Variants in PTPRD observed in about 807,000 individuals in gnomAD.
PTPRD encodes the protein protein tyrosine phosphatase receptor type D, also known as receptor-type tyrosine-protein phosphatase delta.
Under a neutral mutation model 214.5 loss-of-function variants are expected in PTPRD, and 34 were observed. The observed-to-expected ratio is 0.16, with a 90% CI of 0.12 to 0.21. PTPRD has a LOEUF of 0.21. PTPRD is among the 10% of genes least tolerant of loss of function. The probability of loss-of-function intolerance (pLI) is 1.00; values close to 1 mark genes in which losing one functional copy is unlikely to be tolerated. For synonymous variants in PTPRD, 1,128 were observed against 845.7 expected (o/e 1.33, Z -5.79); for missense variants, 2,545 against 2,398.7 (o/e 1.06, Z -1.27).
intron 9 of PTPRD, among the ~76,000 whole-genome samples, chr9:9,203,841 C>G (rs2099943284): frequency 6.6e-6 from 1 of 152,052 alleles, no homozygotes; most frequent in South Asian, 2.1e-4. Flanking sequence ...TAGAAAATGG[C>G]TATTTTAGAG....
intron 9 of PTPRD, among the ~76,000 whole-genome samples, chr9:9,228,411 G>C (rs565088829): frequency 1.4e-4 from 21 of 151,988 alleles, no homozygotes; most frequent in Non-Finnish European, 2.2e-4. Flanking sequence ...ATATGTGCAT[G>C]TGTATTTGCA....
intron 10 of PTPRD, among the ~76,000 whole-genome samples, chr9:9,063,758 T>G (rs1326047301): frequency 6.6e-6 from 1 of 152,172 alleles, no homozygotes; most frequent in Non-Finnish European, 1.5e-5. Context: ...TGCGGAAGAC[T>G]GTTTTCCTCA....
chr9:9,293,759 T>G (rs1176138989), intron 9 of PTPRD, among the ~76,000 whole-genome samples: 1 of 151,652 alleles, frequency 6.6e-6, no homozygotes, highest in Non-Finnish European at 1.5e-5. Context: ...ACTCACAAAT[T>G]TAATGCCTTT....
At chr9:9,940,539 C>T (rs1392268431) in intron 4 of PTPRD, among the ~76,000 whole-genome samples, 1 of 152,116 alleles carries the variant, frequency 6.6e-6, no homozygotes, top group African/African-American at 2.4e-5. Context: ...AGACCGATAA[C>T]TTTTATAAAT....
intron 3 of PTPRD, among the ~76,000 whole-genome samples, chr9:10,074,797 A>G (rs956948073): frequency 1.3e-5 from 2 of 152,114 alleles, no homozygotes; most frequent in Non-Finnish European, 2.9e-5. Flanking sequence ...TGAAGCACAC[A>G]CAGTATATAT....
intron 3 of PTPRD, among the ~76,000 whole-genome samples, chr9:10,330,210 T>C (rs1199628701): frequency 6.6e-6 from 1 of 151,836 alleles, no homozygotes; most frequent in Non-Finnish European, 1.5e-5. Flanking sequence ...CTCTGTGTGG[T>C]TGTACTTTGT....
chr9:9,899,257 G>T (rs962810122), intron 5 of PTPRD, among the ~76,000 whole-genome samples: 8 of 152,008 alleles, frequency 5.3e-5, no homozygotes, highest in African/African-American at 1.7e-4. Context: ...TGGAGAGTGT[G>T]AAGAGAGACT....
At chr9:9,748,594 A>C (rs1481520286) in intron 6 of PTPRD, among the ~76,000 whole-genome samples, 2 of 152,222 alleles carry the variant, frequency 1.3e-5, no homozygotes, top group East Asian at 1.9e-4. Flanking sequence ...AGTACTGCTG[A>C]GGTACTGAAG....
chr9:9,915,113 T>C lies in PTPRD; in HGVS notation c.-368+23394A>G, dbSNP rs557982119. 2.6e-5 allele frequency among the ~76,000 whole-genome samples: 4 copies of C among 152,220 alleles called. No individual in the cohort carries two copies. The South Asian group carries it at 8.3e-4, about 32-fold the overall frequency. ...CATAGGCTACTGAGCAACTTGCAAA[T>C]GCCTTTAGCATGGGTTAGAGCTGTA... On this transcript the variant is annotated intron_variant, in intron 5 of 45. Transcript: ENST00000381196.
chr9:8,936,179 G>C (rs1214785355), intron 11 of PTPRD: 2 of 152,282 alleles, frequency 1.3e-5, no homozygotes, highest in East Asian at 1.9e-4. Flanking sequence ...GGGTGACTGA[G>C]GTAAGTGGAT....
At chr9:10,362,910 T>A (rs2097424487) in intron 2 of PTPRD, among the ~76,000 whole-genome samples, 2 of 151,900 alleles carry the variant, frequency 1.3e-5, no homozygotes, top group Admixed American at 1.3e-4. Context: ...TAAATAACTT[T>A]GCCTAGTCTC....
At chr9:8,397,068 A>C (rs2091362254) in intron 36 of PTPRD, among the ~76,000 whole-genome samples, 1 of 152,190 alleles carries the variant, frequency 6.6e-6, no homozygotes, top group Admixed American at 6.6e-5. Context: ...TTATGCTCTG[A>C]AGAGTGTGAG....
chr9:9,508,568 C>T (rs556071832), intron 8 of PTPRD, among the ~76,000 whole-genome samples: 1 of 151,814 alleles, frequency 6.6e-6, no homozygotes, highest in South Asian at 2.1e-4. Context: ...TCTCCTCTTA[C>T]ATTTTTGATG....
chr9:9,111,379 C>T (rs186793603), intron 10 of PTPRD, among the ~76,000 whole-genome samples: 19 of 151,580 alleles, frequency 1.3e-4, no homozygotes, highest in East Asian at 1.2e-3. Context: ...TCTTTAGAAC[C>T]GGAATCTTCT....
chr9:8,866,243 A>T (rs1410635895), intron 11 of PTPRD, among the ~76,000 whole-genome samples: 1 of 152,108 alleles, frequency 6.6e-6, no homozygotes, highest in African/African-American at 2.4e-5. Context: ...TAGTCTATTC[A>T]TGTTAGTGCT....
intron 8 of PTPRD, among the ~76,000 whole-genome samples, chr9:9,468,428 C>G (rs2094368630): frequency 6.6e-6 from 1 of 152,026 alleles, no homozygotes; most frequent in Non-Finnish European, 1.5e-5. Context: ...AACACATACA[C>G]AAGTATACTT....
At position 9,510,644 on chromosome 9, in the gene PTPRD, CT is replaced by C. The variant is rs760821160; in HGVS notation, c.-237+64087del. On this transcript the variant is annotated intron_variant, in intron 8 of 45. Transcript: ENST00000381196. ...CAGCCATTAAGAAAAGGCAAAATTACTTTTTTTTTTTTCTAGAAAAAAACAT... is the reference window on the plus strand; with the variant it reads ...CAGCCATTAAGAAAAGGCAAAATTACTTTTTTTTTTTCTAGAAAAAAACAT... Among the ~76,000 whole-genome samples the C allele has an allele frequency of 4.2e-3, 610 of 145,242 alleles. 5 individuals are homozygous for C. The highest frequency in any genetic ancestry group is 0.012 in the African/African-American group (482 of 40,166).
At chr9:8,597,864 A>C (rs1238287349) in intron 14 of PTPRD, among the ~76,000 whole-genome samples, 1 of 152,110 alleles carries the variant, frequency 6.6e-6, no homozygotes, top group Non-Finnish European at 1.5e-5. Context: ...CACTATCCCA[A>C]ATATTTATTA....
At chr9:9,249,948 A>G (rs1037707130) in intron 9 of PTPRD, among the ~76,000 whole-genome samples, 1 of 152,250 alleles carries the variant, frequency 6.6e-6, no homozygotes, top group Admixed American at 6.6e-5. Context: ...ACAGGAGGAA[A>G]TTGGGAGAAA....
Sources: gnomAD v4.1 joint callset for allele counts (sites outside exome capture counted in the v4.1 genomes callset) on GRCh38, gnomAD v4.1.1 for gene constraint, MANE v1.5 for transcripts, NCBI Gene and HGNC (gene_info 2026-07-23, HGNC 2026-07-21) for gene names.